Variants in DPYD observed in about 807,000 individuals in gnomAD.
DPYD encodes dihydropyrimidine dehydrogenase [NADP(+)].
A neutral mutation model predicts 116.2 loss-of-function variants in DPYD; 109 were observed. The observed-to-expected ratio is 0.94, with a 90% CI of 0.80 to 1.10. The LOEUF (loss-of-function observed/expected upper bound fraction) is 1.10, where lower values mean the gene tolerates loss of function less well. DPYD is among the 50% of genes least tolerant of loss of function. The probability of loss-of-function intolerance (pLI) is 0.00; values close to 1 mark genes in which losing one functional copy is unlikely to be tolerated. For synonymous variants in DPYD, 440 were observed against 432.0 expected (o/e 1.02, Z -0.23); for missense variants, 1,302 against 1,254.5 (o/e 1.04, Z -0.57).
At chr1:97,115,946 T>A (rs990954626) in intron 20 of DPYD, among the ~76,000 whole-genome samples, 1 of 152,156 alleles carries the variant, frequency 6.6e-6, no homozygotes, top group Non-Finnish European at 1.5e-5. Context: ...AGATTTTTTT[T>A]ATTCCTGAGA....
intron 2 of DPYD, among the ~76,000 whole-genome samples, chr1:97,859,908 A>G (rs1671035376): frequency 6.6e-6 from 1 of 152,170 alleles, no homozygotes; most frequent in South Asian, 2.1e-4. Context: ...TAAATATGGG[A>G]GATAGAAATT....
chr1:97,404,010 A>C (rs1007878953), intron 14 of DPYD, among the ~76,000 whole-genome samples: 1 of 152,006 alleles, frequency 6.6e-6, no homozygotes, highest in African/African-American at 2.4e-5. Context: ...CATTTAGTTC[A>C]AAATATTTTT....
rs1221868511 is a variant in DPYD at position 97,098,593 on chromosome 1, T to C, written c.2662A>G (p.Lys888Glu). The change falls in exon 21 of 23, where the codon AAA (lysine) becomes GAA (glutamate). Residue 888 changes from lysine to glutamate, a missense_variant. By Grantham distance (56) the Lys-to-Glu change is moderately conservative. Transcript: ENST00000370192. ...CTAATCTTGTTTTCTGCTATGATTT[T>C]CTTGCGCTGTTCCAGATAAGGTCCA... ...SFGPYLEQRK[K>E]IIAENKIRLK... The C allele has an allele frequency of 2.5e-6, 4 of 1,613,154 alleles. No homozygotes were observed. The highest frequency in any genetic ancestry group is 8.5e-7 in the Non-Finnish European group (1 of 1,179,476).
At chr1:97,548,710 T>C (rs1651091442) in intron 12 of DPYD, among the ~76,000 whole-genome samples, 2 of 152,180 alleles carry the variant, frequency 1.3e-5, no homozygotes, top group African/African-American at 4.8e-5. Flanking sequence ...CACTCCAGCC[T>C]GGGCATTAGA....
intron 8 of DPYD, among the ~76,000 whole-genome samples, chr1:97,667,624 A>G (rs1464944407): frequency 6.6e-6 from 1 of 152,162 alleles, no homozygotes; most frequent in East Asian, 1.9e-4. Flanking sequence ...GATGAAATAT[A>G]AAATGGTGTA....
intron 19 of DPYD, among the ~76,000 whole-genome samples, chr1:97,230,702 T>C (rs1010109100): frequency 6.6e-5 from 10 of 152,128 alleles, no homozygotes; most frequent in African/African-American, 2.2e-4. Context: ...AAATGAGAGC[T>C]AAAAGGCTGC....
At chr1:97,822,404 T>G (rs1330244094) in intron 3 of DPYD, among the ~76,000 whole-genome samples, 1 of 148,130 alleles carries the variant, frequency 6.8e-6, no homozygotes, top group African/African-American at 2.4e-5. Context: ...TAATATATAT[T>G]TATATGTAAT....
chr1:97,513,232 A>T lies in DPYD; in HGVS notation c.1740+2494T>A, dbSNP rs559727300. Reference sequence around the variant, plus strand: ...CAAAAGCATGTTCCAAACTCCCAAAAAAATAAAAAAAGGGAAACAAAGTTC... The same window carrying T: ...CAAAAGCATGTTCCAAACTCCCAAATAAATAAAAAAAGGGAAACAAAGTTC... On this transcript the variant is annotated intron_variant, in intron 13 of 22. Coordinates refer to ENST00000370192, the MANE Select transcript of DPYD (RefSeq NM_000110.4). Among the ~76,000 whole-genome samples, 9 of 151,808 alleles carry T rather than the reference A, an allele frequency of 5.9e-5. No individual in the cohort carries two copies. In the East Asian group the frequency reaches 1.6e-3, roughly 26 times the overall value.
At chr1:97,894,283 C>T (rs1325262532) in intron 1 of DPYD, among the ~76,000 whole-genome samples, 3 of 151,800 alleles carry the variant, frequency 2.0e-5, no homozygotes, top group African/African-American at 7.2e-5. Flanking sequence ...GGGTCCCACC[C>T]TCATGACCTC....
chr1:97,553,917 C>T (rs988498978), intron 11 of DPYD, among the ~76,000 whole-genome samples: 1 of 152,162 alleles, frequency 6.6e-6, no homozygotes, highest in Middle Eastern at 3.4e-3. Context: ...AGAATGAAAA[C>T]GTCCTTAATT....
intron 13 of DPYD, among the ~76,000 whole-genome samples, chr1:97,453,568 A>G (rs1489387399): frequency 6.6e-6 from 1 of 152,116 alleles, no homozygotes; most frequent in Non-Finnish European, 1.5e-5. Context: ...ACTAATAACC[A>G]CAAAGCCAAC....
chr1:97,172,685 A>C (rs12124552), intron 20 of DPYD, among the ~76,000 whole-genome samples: 27,468 of 152,116 alleles, frequency 0.18, 2,558 homozygotes, highest in East Asian at 0.29. Context: ...ATTTGATAGG[A>C]TTTATGCTAA....
intron 19 of DPYD, among the ~76,000 whole-genome samples, chr1:97,205,524 GT>G (rs1205271041): frequency 2.0e-5 from 3 of 151,814 alleles, no homozygotes; most frequent in African/African-American, 4.8e-5. Flanking sequence ...AATTATCACA[GT>G]TTTTTTCAAC....
intron 14 of DPYD, among the ~76,000 whole-genome samples, chr1:97,448,468 T>G (rs1676213385): frequency 6.6e-6 from 1 of 152,200 alleles, no homozygotes; most frequent in South Asian, 2.1e-4. Context: ...ATAAAACTTT[T>G]GTAACTGTGC....
At chr1:97,336,071 T>C (rs554276454) in intron 16 of DPYD, among the ~76,000 whole-genome samples, 1 of 152,310 alleles carries the variant, frequency 6.6e-6, no homozygotes, top group South Asian at 2.1e-4. Flanking sequence ...TAAAGAATAT[T>C]CATATTTTAA....
At chr1:97,150,596 T>G (rs1654941974) in intron 20 of DPYD, among the ~76,000 whole-genome samples, 2 of 152,222 alleles carry the variant, frequency 1.3e-5, no homozygotes, top group African/African-American at 4.8e-5. Flanking sequence ...GAAGAAGCCC[T>G]CTTCTCAGAT....
chr1:97,624,460 T>C (rs566262431), intron 8 of DPYD, among the ~76,000 whole-genome samples: 6 of 152,022 alleles, frequency 3.9e-5, no homozygotes, highest in Admixed American at 2.0e-4. Flanking sequence ...ATTAAAAAGA[T>C]GAAAGATAAC....
At chr1:97,700,790 T>C (rs759366245) in intron 5 of DPYD, among the ~76,000 whole-genome samples, 53 of 151,928 alleles carry the variant, frequency 3.5e-4, no homozygotes, top group African/African-American at 1.2e-3. Flanking sequence ...TTCAAAAATA[T>C]GTAAGAAGAA....
chr1:97,691,641 T>C, intron 7 of DPYD, 76 bp downstream of exon 7: 1 of 1,237,314 alleles, frequency 8.1e-7, no homozygotes, highest in Non-Finnish European at 1.2e-6. Context: ...ATGCATGACA[T>C]TTGCTGTTAA....
Sources: allele counts gnomAD v4.1 joint callset (sites outside exome capture counted in the v4.1 genomes callset), GRCh38; gene constraint gnomAD v4.1.1; transcripts MANE v1.5; gene names NCBI Gene and HGNC (gene_info 2026-07-23, HGNC 2026-07-21).